IL1RAPL1: variants seen among roughly 807,000 people sequenced by gnomAD.
IL1RAPL1 encodes the protein interleukin 1 receptor accessory protein like 1, also known as interleukin-1 receptor accessory protein-like 1.
A neutral mutation model predicts 48.4 loss-of-function variants in IL1RAPL1; 3 were observed. The observed-to-expected ratio is 0.06, with a 90% CI of 0.03 to 0.16. The LOEUF is 0.16. Among genes scored for constraint, IL1RAPL1 ranks in the 10% least tolerant of loss-of-function variants. IL1RAPL1 has a pLI of 1.00. For synonymous variants in IL1RAPL1, 185 were observed against 187.7 expected (o/e 0.99, Z 0.12); for missense variants, 349 against 530.6 (o/e 0.66, Z 3.36).
At chrX:29,264,860 C>T (rs923148878) in intron 2 of IL1RAPL1, among the ~76,000 whole-genome samples, 6 of 110,801 alleles carry the variant, frequency 5.4e-5, no homozygotes, top group Non-Finnish European at 1.1e-4. Context: ...TTTCGAAAAA[C>T]CAGCTTTTGG....
chrX:29,205,400 A>C (rs965103043), intron 2 of IL1RAPL1, among the ~76,000 whole-genome samples: 4 of 112,170 alleles, frequency 3.6e-5, no homozygotes, highest in Admixed American at 1.9e-4. Flanking sequence ...AGATTCTCCC[A>C]AAACGCATGC....
chrX:29,905,008 A>G (rs187946977), intron 6 of IL1RAPL1, among the ~76,000 whole-genome samples: 23 of 111,874 alleles, frequency 2.1e-4, no homozygotes, highest in African/African-American at 7.5e-4. Flanking sequence ...AAGCATTCCT[A>G]TTTCTCCACA....
chrX:29,116,318 G>A (rs1928677917), intron 2 of IL1RAPL1, among the ~76,000 whole-genome samples: 1 of 110,599 alleles, frequency 9.0e-6, no homozygotes, highest in African/African-American at 3.3e-5. Context: ...AAGAATGGAG[G>A]GAGGAGGAGA....
At chrX:28,793,972 G>A (rs752444277) in intron 2 of IL1RAPL1, among the ~76,000 whole-genome samples, 1 of 111,544 alleles carries the variant, frequency 9.0e-6, no homozygotes, top group South Asian at 3.7e-4. Flanking sequence ...ATGACTTAAT[G>A]ACTGCATGAA....
intron 1 of IL1RAPL1, among the ~76,000 whole-genome samples, chrX:28,748,914 T>C (rs185473815): frequency 9.0e-6 from 1 of 111,537 alleles, no homozygotes; most frequent in East Asian, 2.8e-4. Context: ...TTTGCACTCA[T>C]TGACCAACTT....
intron 2 of IL1RAPL1, among the ~76,000 whole-genome samples, chrX:28,840,859 A>G (rs1417331670): frequency 1.8e-5 from 2 of 110,529 alleles, no homozygotes; most frequent in Non-Finnish European, 3.8e-5. Context: ...ACCTTAGGTT[A>G]TATCCTCCAA....
intron 4 of IL1RAPL1, 147 bp downstream of exon 4, chrX:29,396,591 A>G (rs1933921928): frequency 3.8e-6 from 2 of 526,130 alleles, no homozygotes; most frequent in Admixed American, 5.8e-5. Context: ...TGGTCATTAT[A>G]TGTTTTTTAA....
At chrX:28,808,321 TG>T (rs1274543237) in intron 2 of IL1RAPL1, among the ~76,000 whole-genome samples, 1 of 111,352 alleles carries the variant, frequency 9.0e-6, no homozygotes, top group Non-Finnish European at 1.9e-5. Flanking sequence ...TATGCCACCA[TG>T]TGGTTATACC....
chrX:29,087,285 A>G (rs1927974671), intron 2 of IL1RAPL1, among the ~76,000 whole-genome samples: 1 of 109,224 alleles, frequency 9.2e-6, no homozygotes, highest in African/African-American at 3.3e-5. Context: ...CCACAGGCGC[A>G]TGCCACCATA....
intron 5 of IL1RAPL1, among the ~76,000 whole-genome samples, chrX:29,519,386 T>C (rs1238513810): frequency 8.9e-6 from 1 of 111,811 alleles, no homozygotes; most frequent in African/African-American, 3.3e-5. Flanking sequence ...ATTCAGTTTG[T>C]AAGAGGTGGA....
chrX:29,853,932 G>T (rs149439904), intron 6 of IL1RAPL1, among the ~76,000 whole-genome samples: 85 of 112,082 alleles, frequency 7.6e-4, no homozygotes, highest in African/African-American at 2.3e-3. Context: ...TGAGCAACAA[G>T]ATTGTTTTGA....
chrX:29,883,100 A>C (rs1210312755), intron 6 of IL1RAPL1, among the ~76,000 whole-genome samples: 1 of 111,971 alleles, frequency 8.9e-6, no homozygotes, highest in Non-Finnish European at 1.9e-5. Context: ...TTATCCTTTC[A>C]CTATAATTTC....
chrX:29,641,168 C>T (rs1209025666), intron 5 of IL1RAPL1, among the ~76,000 whole-genome samples: 1 of 98,691 alleles, frequency 1.0e-5, no homozygotes, highest in Non-Finnish European at 2.0e-5. Context: ...GAGACCCTGT[C>T]TCAAAATAAA....
chrX:29,900,839 G>C (rs1932483206), intron 6 of IL1RAPL1, among the ~76,000 whole-genome samples: 1 of 111,901 alleles, frequency 8.9e-6, no homozygotes, highest in South Asian at 3.7e-4. Context: ...TGTGAGACAA[G>C]GTGGAAAAAG....
intron 5 of IL1RAPL1, among the ~76,000 whole-genome samples, chrX:29,429,882 G>T: frequency 1.1e-5 from 1 of 89,531 alleles, no homozygotes; most frequent in Admixed American, 1.2e-4. Flanking sequence ...GTATATATAT[G>T]TGTGTGTGTG....
intron 2 of IL1RAPL1, among the ~76,000 whole-genome samples, chrX:28,994,842 T>C (rs1925692312): frequency 8.9e-6 from 1 of 112,130 alleles, no homozygotes; most frequent in East Asian, 2.8e-4. Flanking sequence ...ATTACTCTTA[T>C]AGAAGAGTGA....
chrX:28,786,608 G>A (rs1252747438), intron 1 of IL1RAPL1, among the ~76,000 whole-genome samples: 6 of 111,966 alleles, frequency 5.4e-5, no homozygotes, highest in Non-Finnish European at 9.4e-5. Flanking sequence ...GAGGTTATTT[G>A]TTCCAAATCA....
At chrX:29,209,460 T>C (rs1205094531) in intron 2 of IL1RAPL1, among the ~76,000 whole-genome samples, 1 of 112,253 alleles carries the variant, frequency 8.9e-6, no homozygotes, top group Admixed American at 9.5e-5. Context: ...CTCTATGACT[T>C]CTCACTTCAT....
intron 5 of IL1RAPL1, among the ~76,000 whole-genome samples, chrX:29,580,217 T>C (rs1922915619): frequency 9.0e-6 from 1 of 110,666 alleles, no homozygotes; most frequent in Non-Finnish European, 1.9e-5. Context: ...TAGTCTTTAA[T>C]ATTCATTTAT....
Sources: allele counts gnomAD v4.1 joint callset (sites outside exome capture counted in the v4.1 genomes callset), GRCh38; gene constraint gnomAD v4.1.1; transcripts MANE v1.5; gene names NCBI Gene and HGNC (gene_info 2026-07-23, HGNC 2026-07-21).